Variants in NKAIN2 observed in about 807,000 individuals in gnomAD.
The protein encoded by NKAIN2 is sodium/potassium-transporting ATPase subunit beta-1-interacting protein 2.
A neutral mutation model predicts 32.6 loss-of-function variants in NKAIN2; 14 were observed. The observed-to-expected ratio is 0.43, with a 90% CI of 0.28 to 0.67. The LOEUF (loss-of-function observed/expected upper bound fraction) is 0.67. Ranked by LOEUF, NKAIN2 falls within the 30% of genes least tolerant of loss-of-function variation. The probability of loss-of-function intolerance (pLI) is 0.17; values close to 1 mark genes in which losing one functional copy is unlikely to be tolerated. For synonymous variants in NKAIN2, 80 were observed against 87.2 expected (o/e 0.92, Z 0.46); for missense variants, 198 against 258.3 (o/e 0.77, Z 1.60).
At chr6:124,370,448 A>G (rs770461034) in intron 3 of NKAIN2, among the ~76,000 whole-genome samples, 37 of 152,092 alleles carry the variant, frequency 2.4e-4, no homozygotes, top group Non-Finnish European at 5.0e-4. Context: ...GAATATAATT[A>G]GTTTTTCTCT....
chr6:124,105,930 G>A (rs927340212), intron 1 of NKAIN2, among the ~76,000 whole-genome samples: 1 of 152,084 alleles, frequency 6.6e-6, no homozygotes, highest in African/African-American at 2.4e-5. Context: ...TTATGAGGAA[G>A]GTGCTTTTTT....
intron 1 of NKAIN2, among the ~76,000 whole-genome samples, chr6:124,117,447 G>T (rs751527347): frequency 1.6e-4 from 25 of 152,238 alleles, no homozygotes; most frequent in South Asian, 8.3e-4. Flanking sequence ...ATCTGCCTGT[G>T]TTCTACTCTG....
At chr6:124,563,841 T>G (rs1780796913) in intron 3 of NKAIN2, among the ~76,000 whole-genome samples, 1 of 151,916 alleles carries the variant, frequency 6.6e-6, no homozygotes, top group Non-Finnish European at 1.5e-5. Context: ...CGAGGGAAAG[T>G]GACAGTAGGG....
At chr6:123,867,764 C>T (rs575234981) in intron 1 of NKAIN2, among the ~76,000 whole-genome samples, 1 of 152,120 alleles carries the variant, frequency 6.6e-6, no homozygotes, top group Non-Finnish European at 1.5e-5. Context: ...CAAAGCACAC[C>T]TCATCCCAGC....
At chr6:124,483,650 T>A (rs551009081) in intron 3 of NKAIN2, among the ~76,000 whole-genome samples, 13 of 152,204 alleles carry the variant, frequency 8.5e-5, no homozygotes, top group Admixed American at 5.9e-4. Flanking sequence ...AATACAAATA[T>A]GGACTTCATA....
rs571693028 is a variant in NKAIN2, at chr6:124,724,221, T to C, written c.474+65835T>C. ...AAGCCCCTACGTTGCTTTTAAAATATAATGAGTAATTTCCTGACCAAAAGC... is the reference window on the plus strand; with the variant it reads ...AAGCCCCTACGTTGCTTTTAAAATACAATGAGTAATTTCCTGACCAAAAGC... On this transcript the variant is annotated intron_variant, in intron 4 of 6. Transcript: ENST00000368417. Among the ~76,000 whole-genome samples, 137 of 152,166 alleles carry C rather than the reference T, an allele frequency of 9.0e-4. 2 individuals carry two copies. Among genetic ancestry groups the C allele is most frequent in the African/African-American group, 3.1e-3 (129 of 41,512 alleles).
chr6:123,938,160 C>G (rs776581827), intron 1 of NKAIN2, among the ~76,000 whole-genome samples: 1 of 151,644 alleles, frequency 6.6e-6, no homozygotes, highest in Non-Finnish European at 1.5e-5. Context: ...TAATGCATTG[C>G]TAAATAAGAT....
chr6:123,989,054 A>G (rs1460485904), intron 1 of NKAIN2, among the ~76,000 whole-genome samples: 2 of 152,174 alleles, frequency 1.3e-5, no homozygotes, highest in Non-Finnish European at 2.9e-5. Context: ...TAAATGTAAT[A>G]TAAAAGGGCC....
At chr6:124,195,098 C>A (rs757225510) in intron 1 of NKAIN2, among the ~76,000 whole-genome samples, 1 of 145,190 alleles carries the variant, frequency 6.9e-6, no homozygotes, top group East Asian at 2.0e-4. Context: ...AAATTTAATT[C>A]TTAATGTTTA....
At chr6:124,675,429 T>C (rs1773310474) in intron 4 of NKAIN2, among the ~76,000 whole-genome samples, 1 of 152,118 alleles carries the variant, frequency 6.6e-6, no homozygotes, top group Admixed American at 6.5e-5. Context: ...AAGTGTTCTC[T>C]CTTCTTTAAT....
intron 1 of NKAIN2, among the ~76,000 whole-genome samples, chr6:124,141,222 G>A (rs1347384349): frequency 1.3e-5 from 2 of 152,054 alleles, no homozygotes; most frequent in Non-Finnish European, 2.9e-5. Context: ...AGTTTCCTGG[G>A]AGCAATGAAA....
At chr6:124,294,766 G>T (rs758160155) in intron 2 of NKAIN2, among the ~76,000 whole-genome samples, 7 of 152,078 alleles carry the variant, frequency 4.6e-5, no homozygotes, top group African/African-American at 7.2e-5. Context: ...TAGATGTCTT[G>T]TCAGTGGTTT....
intron 1 of NKAIN2, among the ~76,000 whole-genome samples, chr6:123,895,059 A>AC (rs1218554904): frequency 1.4e-5 from 2 of 143,552 alleles, no homozygotes; most frequent in African/African-American, 5.2e-5. Flanking sequence ...CCTCCCCTAC[A>AC]CCCCTTTTTT....
chr6:123,937,114 A>G (rs1776548669), intron 1 of NKAIN2, among the ~76,000 whole-genome samples: 1 of 152,078 alleles, frequency 6.6e-6, no homozygotes, highest in African/African-American at 2.4e-5. Context: ...CTGTTCTGCT[A>G]TTAGGTTTTT....
intron 1 of NKAIN2, among the ~76,000 whole-genome samples, chr6:123,836,201 A>G (rs1271699107): frequency 6.6e-6 from 1 of 151,988 alleles, no homozygotes; most frequent in East Asian, 1.9e-4. Context: ...GGTGAATCTT[A>G]ATTCCCTACC....
chr6:124,571,136 C>A (rs758883925), intron 3 of NKAIN2, among the ~76,000 whole-genome samples: 2 of 152,152 alleles, frequency 1.3e-5, no homozygotes, highest in African/African-American at 4.8e-5. Context: ...TGTATTTACC[C>A]AATACCCGTA....
At chr6:124,357,817 GC>G (rs1799058789) in intron 3 of NKAIN2, among the ~76,000 whole-genome samples, 1 of 151,606 alleles carries the variant, frequency 6.6e-6, no homozygotes, top group Non-Finnish European at 1.5e-5. Context: ...GGGTACATGT[GC>G]ACAACGTGCA....
Position 124,727,665 on chromosome 6 carries a change from G to C in NKAIN2, c.475-63674G>C, listed in dbSNP as rs1234436317. Among the ~76,000 whole-genome samples, 97 of 150,016 alleles carry C rather than the reference G, an allele frequency of 6.5e-4. 1 individual carries two copies. The highest frequency in any genetic ancestry group is 1.0e-3 in the Non-Finnish European group (69 of 67,344). The stretch of plus-strand genomic sequence containing the variant: ...CTCCATCAACTAACGAGCAAAATAA[G>C]CAACTAACATCATAATGACAGGATC... On this transcript the variant is annotated intron_variant, in intron 4 of 6. Transcript: ENST00000368417.
chr6:123,805,594 A>G (rs1027539666), intron 1 of NKAIN2, among the ~76,000 whole-genome samples: 2 of 152,296 alleles, frequency 1.3e-5, no homozygotes, highest in African/African-American at 4.8e-5. Context: ...TTTCTCAATG[A>G]TGTGTAAACC....
Sources: gnomAD v4.1 joint callset for allele counts (sites outside exome capture counted in the v4.1 genomes callset) on GRCh38, gnomAD v4.1.1 for gene constraint, MANE v1.5 for transcripts, NCBI Gene and HGNC (gene_info 2026-07-23, HGNC 2026-07-21) for gene names.